Variants in PDE4D observed in about 807,000 individuals in gnomAD.
The protein encoded by PDE4D is 3',5'-cyclic-AMP phosphodiesterase 4D.
A neutral mutation model predicts 87.4 loss-of-function variants in PDE4D; 24 were observed. The ratio of observed to expected loss-of-function variants is 0.27; its 90% CI spans 0.20 to 0.39. The LOEUF is 0.39. Among genes scored for constraint, PDE4D ranks in the 10% least tolerant of loss-of-function variants. The pLI is 1.00. For missense variants in PDE4D, 714 were observed against 1,041.0 expected (o/e 0.69, Z 4.32); for synonymous variants, 384 against 383.2 (o/e 1.00, Z -0.02).
intron 1 of PDE4D, among the ~76,000 whole-genome samples, chr5:59,802,444 G>A (rs1299372176): frequency 6.9e-6 from 1 of 144,650 alleles, no homozygotes; most frequent in Non-Finnish European, 1.5e-5. Context: ...TGTTGCCCAG[G>A]CTGAAGTGCA....
intron 3 of PDE4D, among the ~76,000 whole-genome samples, chr5:59,955,058 C>G (rs557621544): frequency 6.6e-6 from 1 of 152,142 alleles, no homozygotes; most frequent in South Asian, 2.1e-4. Context: ...ACAATTATTA[C>G]AATTAAACTA....
Position 59,214,032 on chromosome 5 carries a change from T to TCACACA in PDE4D, c.647+1739_647+1744dup, listed in dbSNP as rs199738839. On this transcript the variant is annotated intron_variant, in intron 2 of 14. Coordinates refer to ENST00000340635, the MANE Select transcript of PDE4D (RefSeq NM_001104631.2). Reference sequence around the variant, plus strand: ...CTGTCCCCCAACATACATACATACTTCACACACACACACACACACACACAC... The same window carrying TCACACA: ...CTGTCCCCCAACATACATACATACTTCACACACACACACACACACACACACACACAC... 4.6e-3 allele frequency among the ~76,000 whole-genome samples: 614 copies of TCACACA among 132,754 alleles called. 4 individuals are homozygous for TCACACA. The highest frequency in any genetic ancestry group is 0.012 in the African/African-American group (439 of 35,162). The allele number at this position is 132,754 out of a possible 152,430, so 87.1% of individuals were successfully genotyped here.
At chr5:59,068,639 G>A (rs565870075) in intron 5 of PDE4D, among the ~76,000 whole-genome samples, 1 of 152,172 alleles carries the variant, frequency 6.6e-6, no homozygotes, top group Admixed American at 6.6e-5. Context: ...AGGAATGAAG[G>A]CAGTCCACTG....
intron 3 of PDE4D, among the ~76,000 whole-genome samples, chr5:59,905,663 T>G (rs1418196260): frequency 1.3e-5 from 2 of 152,146 alleles, no homozygotes; most frequent in African/African-American, 2.4e-5. Context: ...AAAGATTATA[T>G]GAGATAATAG....
At chr5:59,970,908 G>A (rs1191184647) in intron 3 of PDE4D, among the ~76,000 whole-genome samples, 7 of 148,812 alleles carry the variant, frequency 4.7e-5, no homozygotes, top group African/African-American at 1.7e-4. Flanking sequence ...ACATGCACAC[G>A]TATGTTTATT....
chr5:59,969,743 C>T (rs1760489876), intron 3 of PDE4D, among the ~76,000 whole-genome samples: 1 of 152,126 alleles, frequency 6.6e-6, no homozygotes, highest in Non-Finnish European at 1.5e-5. Context: ...GGCTTTTCCC[C>T]ACTTTGCTCT....
chr5:59,731,259 G>A (rs1335004921), intron 1 of PDE4D, among the ~76,000 whole-genome samples: 1 of 152,002 alleles, frequency 6.6e-6, no homozygotes, highest in Non-Finnish European at 1.5e-5. Flanking sequence ...TTGTTTCCCT[G>A]ATACAGACAC....
chr5:60,025,344 C>T (rs116319073), intron 2 of PDE4D, among the ~76,000 whole-genome samples: 17 of 152,164 alleles, frequency 1.1e-4, no homozygotes, highest in African/African-American at 3.9e-4. Context: ...ATTATGCCCC[C>T]GACTACTCCA....
chr5:60,122,480 A>C (rs1039726711), intron 2 of PDE4D, among the ~76,000 whole-genome samples: 2 of 152,240 alleles, frequency 1.3e-5, no homozygotes, highest in African/African-American at 4.8e-5. Flanking sequence ...GCTGAACACC[A>C]CATGGAAGAT....
Position 59,215,772 on chromosome 5 carries a change from C to T in PDE4D, c.647+5G>A. 6.2e-7 allele frequency: 1 copy of T among 1,611,942 alleles called. No individual in the cohort carries two copies. The highest frequency in any genetic ancestry group is 8.5e-7 in the Non-Finnish European group (1 of 1,178,170). ...TTCTCTCTCTTTGCCTGCCCTTGTA[C>T]TTACATATCACTGGCAATGGAGGAG... On this transcript the variant is annotated splice_donor_5th_base_variant and intron_variant, in intron 2 of 14. Coordinates refer to ENST00000340635, the MANE Select transcript of PDE4D (RefSeq NM_001104631.2).
At chr5:60,368,931 T>C (rs1760782768) in intron 1 of PDE4D, among the ~76,000 whole-genome samples, 1 of 152,090 alleles carries the variant, frequency 6.6e-6, no homozygotes, top group Non-Finnish European at 1.5e-5. Context: ...CTTAATAAAA[T>C]ACCCTGTCTC....
intron 2 of PDE4D, among the ~76,000 whole-genome samples, chr5:60,092,381 T>A (rs1439821458): frequency 6.6e-6 from 1 of 152,068 alleles, no homozygotes; most frequent in African/African-American, 2.4e-5. Context: ...TTTGATAGTA[T>A]CATAAGGTGG....
At chr5:60,469,491 T>C (rs1747656359) in intron 1 of PDE4D, among the ~76,000 whole-genome samples, 1 of 152,192 alleles carries the variant, frequency 6.6e-6, no homozygotes, top group Non-Finnish European at 1.5e-5. Context: ...CCTCCAGCCC[T>C]TATCTGTTTT....
chr5:59,620,447 T>C (rs1055934033), intron 1 of PDE4D, among the ~76,000 whole-genome samples: 26 of 152,132 alleles, frequency 1.7e-4, no homozygotes, highest in Non-Finnish European at 1.8e-4. Flanking sequence ...AAGAAAACTA[T>C]GCTTAGAGTG....
intron 3 of PDE4D, among the ~76,000 whole-genome samples, chr5:59,915,769 G>C (rs1753970778): frequency 1.3e-5 from 2 of 151,980 alleles, no homozygotes; most frequent in African/African-American, 4.8e-5. Context: ...GAGTAAATCA[G>C]GTATTTTTCT....
intron 2 of PDE4D, among the ~76,000 whole-genome samples, chr5:60,143,658 T>G (rs1008473239): frequency 1.2e-4 from 10 of 84,974 alleles, no homozygotes; most frequent in Admixed American, 3.7e-4. Flanking sequence ...TGTATGTGTG[T>G]GTGTTTTGGG....
intron 2 of PDE4D, among the ~76,000 whole-genome samples, chr5:60,012,903 C>T (rs1037957098): frequency 1.3e-5 from 2 of 152,194 alleles, no homozygotes; most frequent in African/African-American, 4.8e-5. Flanking sequence ...GATCTGCCCA[C>T]ATGCTGTGAA....
intron 3 of PDE4D, among the ~76,000 whole-genome samples, chr5:59,953,886 C>A (rs976090499): frequency 1.3e-5 from 2 of 152,160 alleles, no homozygotes; most frequent in Admixed American, 1.3e-4. Context: ...CCCCACTTAA[C>A]GCTCAATTCC....
chr5:59,708,484 C>T (rs761765088), intron 1 of PDE4D, among the ~76,000 whole-genome samples: 6 of 152,216 alleles, frequency 3.9e-5, no homozygotes, highest in African/African-American at 1.2e-4. Context: ...CCATGTAAGA[C>T]GCTTATCACA....
Sources: gnomAD v4.1 joint callset for allele counts (sites outside exome capture counted in the v4.1 genomes callset) on GRCh38, gnomAD v4.1.1 for gene constraint, MANE v1.5 for transcripts, NCBI Gene and HGNC (gene_info 2026-07-23, HGNC 2026-07-21) for gene names.